The following ADGRG7 variants were observed in gnomAD, a reference collection of about 807,000 sequenced individuals.
The protein encoded by ADGRG7 is G-protein coupled receptor 128.
A neutral mutation model predicts 88.6 loss-of-function variants in ADGRG7; 82 were observed. The observed-to-expected ratio is 0.93, with a 90% CI of 0.77 to 1.11. The LOEUF (loss-of-function observed/expected upper bound fraction) is 1.11. Among genes scored for constraint, ADGRG7 ranks in the 50% most tolerant of loss-of-function variants. The pLI, the probability that ADGRG7 is intolerant of heterozygous loss-of-function variation, is 0.00. For synonymous variants in ADGRG7, 381 were observed against 345.2 expected (o/e 1.10, Z -1.15); for missense variants, 945 against 953.4 (o/e 0.99, Z 0.12).
intron 15 of ADGRG7, among the ~76,000 whole-genome samples, chr3:100,690,476 G>T (rs888793582): frequency 1.3e-5 from 2 of 152,068 alleles, no homozygotes; most frequent in African/African-American, 4.8e-5. Flanking sequence ...TTTCTGCTCG[G>T]TTTTTTCCCC....
chr3:100,662,545 G>A (rs899446159), intron 14 of ADGRG7, among the ~76,000 whole-genome samples: 7 of 152,124 alleles, frequency 4.6e-5, no homozygotes, highest in African/African-American at 1.7e-4. Flanking sequence ...TTTCAGCATA[G>A]TAACCTGAGA....
At chr3:100,689,887 C>T (rs7611116) in intron 15 of ADGRG7, among the ~76,000 whole-genome samples, 48,950 of 151,712 alleles carry the variant, frequency 0.32, 8,367 homozygotes, top group East Asian at 0.54. Context: ...ATCTTTGTGG[C>T]GTTCTCTGTA....
intron 1 of ADGRG7, among the ~76,000 whole-genome samples, chr3:100,617,916 G>C (rs1282649184): frequency 1.3e-5 from 2 of 152,138 alleles, no homozygotes; most frequent in Non-Finnish European, 2.9e-5. Flanking sequence ...TGTAACTGGT[G>C]TGAGAATGGT....
chr3:100,666,238 A>G (rs1390006858), intron 14 of ADGRG7, among the ~76,000 whole-genome samples: 1 of 152,080 alleles, frequency 6.6e-6, no homozygotes, highest in Non-Finnish European at 1.5e-5. Flanking sequence ...AGTATAGAGA[A>G]AGAAATAGGG....
At chr3:100,682,400 G>A (rs2094974736) in intron 15 of ADGRG7, among the ~76,000 whole-genome samples, 1 of 152,158 alleles carries the variant, frequency 6.6e-6, no homozygotes, top group African/African-American at 2.4e-5. Context: ...TGCCCGCTTC[G>A]AGGACCCAGC....
chr3:100,635,683 G>A lies in ADGRG7; in HGVS notation c.454G>A (p.Asp152Asn). Reference protein sequence around the residue: ...NLETLEKQVKDVTAPLNNISS... With the variant: ...NLETLEKQVKNVTAPLNNISS... ...TTTCTGGTTTTTAAAACAGGTAAAG[G>A]ATGTCACAGCACCACTTAATAACAT... The change falls in exon 5 of 16, where the codon GAT becomes AAT. Residue 152 changes from aspartate (D) to asparagine (N), a missense_variant. Coordinates refer to ENST00000273352, the MANE Select transcript of ADGRG7 (RefSeq NM_032787.3). The A allele has an allele frequency of 6.2e-7, 1 of 1,612,550 alleles. No homozygotes were observed. The highest frequency in any genetic ancestry group is 8.5e-7 in the Non-Finnish European group (1 of 1,179,568).
chr3:100,671,274 T>C (rs2094958104), intron 15 of ADGRG7, among the ~76,000 whole-genome samples: 1 of 152,220 alleles, frequency 6.6e-6, no homozygotes, highest in African/African-American at 2.4e-5. Context: ...CTCATTGTGG[T>C]TTTGATTTGC....
chr3:100,655,231 A>G (rs2094936064), intron 12 of ADGRG7, 50 bp downstream of exon 12: 2 of 1,357,222 alleles, frequency 1.5e-6, no homozygotes, highest in Non-Finnish European at 2.0e-6. Flanking sequence ...TGTGGAAATC[A>G]TTTAATTTAA....
At chr3:100,613,776 G>A (rs1477845563) in intron 1 of ADGRG7, among the ~76,000 whole-genome samples, 1 of 152,090 alleles carries the variant, frequency 6.6e-6, no homozygotes, top group Non-Finnish European at 1.5e-5. Flanking sequence ...GATACTTGCT[G>A]TTCTTTGATG....
Position 100,635,692 on chromosome 3 carries a change from G to A in ADGRG7, c.463G>A (p.Ala155Thr). The change falls in exon 5 of 16, where the codon GCA (alanine) becomes ACA (threonine). Residue 155 changes from alanine (A) to threonine (T), a missense_variant. By Grantham distance (58) the Ala-to-Thr change is moderately conservative (BLOSUM62 0). Transcript: ENST00000273352. ...TTTAAAACAGGTAAAGGATGTCACA[G>A]CACCACTTAATAACATTTCTTCTGA... ...TLEKQVKDVT[A>T]PLNNISSEVQ... 1 of 1,613,604 alleles carries A rather than the reference G, an allele frequency of 6.2e-7. No individual in the cohort carries two copies. Among genetic ancestry groups the A allele is most frequent in the South Asian group, 1.1e-5 (1 of 90,912 alleles).
chr3:100,643,455 T>C (rs1707680540), intron 7 of ADGRG7, 50 bp downstream of exon 7: 4 of 1,610,008 alleles, frequency 2.5e-6, no homozygotes, highest in Admixed American at 3.3e-5. Context: ...ATTCTGCTAC[T>C]GATGATGAAT....
chr3:100,617,704 A>G (rs1293998162), intron 1 of ADGRG7, among the ~76,000 whole-genome samples: 4 of 152,110 alleles, frequency 2.6e-5, no homozygotes, highest in African/African-American at 7.2e-5. Context: ...TAGCAGTATG[A>G]TTTATAATCC....
At position 100,659,843 on chromosome 3, in the gene ADGRG7, G is replaced by C; in HGVS notation, c.1979G>C (p.Ser660Thr). ...TGGAAGAATAACCAGAACCTGACAA[G>C]GTAAGATTCCCAATGAATGGGAAGC... ...VLWKNNQNLT[S>T]TKKVSSMKKI... Residue 660 changes from serine to threonine, a missense_variant and splice_region_variant, in exon 14 of 16, where the codon AGC becomes ACC. By Grantham distance (58) the Ser-to-Thr change is moderately conservative. Coordinates refer to ENST00000273352, the MANE Select transcript of ADGRG7 (RefSeq NM_032787.3). 6 of 1,612,936 alleles carry C rather than the reference G, an allele frequency of 3.7e-6. No homozygotes were observed. Among genetic ancestry groups the C allele is most frequent in the Non-Finnish European group, 5.1e-6 (6 of 1,179,482 alleles).
intron 1 of ADGRG7, among the ~76,000 whole-genome samples, chr3:100,614,847 T>C (rs982625088): frequency 1.3e-5 from 2 of 152,236 alleles, no homozygotes; most frequent in Non-Finnish European, 2.9e-5. Context: ...GTTGTATATG[T>C]TCTGTATTTA....
chr3:100,692,521 T>TAATGGTAA (rs781126223), intron 15 of ADGRG7, among the ~76,000 whole-genome samples: 3 of 152,158 alleles, frequency 2.0e-5, no homozygotes, highest in Non-Finnish European at 4.4e-5. Context: ...AACAAAGTGT[T>TAATGGTAA]AATGGTAAAA....
chr3:100,665,036 C>T, intron 14 of ADGRG7: 1 of 470,000 alleles, frequency 2.1e-6, no homozygotes, highest in Non-Finnish European at 4.4e-6. Flanking sequence ...ACTTTAGAAA[C>T]ACAGAAGTTC....
At chr3:100,620,641 C>T (rs1338519086) in intron 1 of ADGRG7, among the ~76,000 whole-genome samples, 1 of 152,082 alleles carries the variant, frequency 6.6e-6, no homozygotes, top group African/African-American at 2.4e-5. Context: ...AGAATTCCTA[C>T]CTTATCAAAC....
chr3:100,644,280 G>T (rs1273161838), intron 8 of ADGRG7, among the ~76,000 whole-genome samples: 2 of 152,032 alleles, frequency 1.3e-5, no homozygotes, highest in Non-Finnish European at 2.9e-5. Flanking sequence ...GTGTTAGATA[G>T]AATATATTTA....
At chr3:100,645,901 C>T (rs1195680061) in intron 8 of ADGRG7, 44 bp from the exon 9 acceptor site, 11 of 1,547,500 alleles carry the variant, frequency 7.1e-6, no homozygotes, top group South Asian at 4.7e-5. Flanking sequence ...TTTTGTTTAC[C>T]TTACAGTGCA....
Sources: gnomAD v4.1 joint callset for allele counts (sites outside exome capture counted in the v4.1 genomes callset) on GRCh38, gnomAD v4.1.1 for gene constraint, MANE v1.5 for transcripts, NCBI Gene and HGNC (gene_info 2026-07-23, HGNC 2026-07-21) for gene names.